Variants in NME7 observed in about 807,000 individuals in gnomAD.
The protein encoded by NME7 is NME/NM23 family member 7, also known as nucleoside diphosphate kinase 7.
A neutral mutation model predicts 49.1 loss-of-function variants in NME7; 41 were observed. The ratio of observed to expected loss-of-function variants is 0.83; its 90% CI spans 0.65 to 1.08. The LOEUF (loss-of-function observed/expected upper bound fraction) is 1.08. NME7 is among the 50% of genes least tolerant of loss of function. The probability of loss-of-function intolerance (pLI) is 0.00; values close to 1 mark genes in which losing one functional copy is unlikely to be tolerated. For missense variants in NME7, 423 were observed against 463.4 expected, an observed-to-expected ratio of 0.91 and a Z score of 0.80; for synonymous variants, 139 against 150.6, an observed-to-expected ratio of 0.92 and a Z score of 0.56.
intron 10 of NME7, among the ~76,000 whole-genome samples, chr1:169,214,830 G>T (rs939134137): frequency 6.6e-6 from 1 of 152,236 alleles, no homozygotes; most frequent in African/African-American, 2.4e-5. Context: ...TCCAAGTGGG[G>T]GTGCCTGCAA....
At chr1:169,216,540 G>A (rs1660978319) in intron 10 of NME7, among the ~76,000 whole-genome samples, 1 of 152,172 alleles carries the variant, frequency 6.6e-6, no homozygotes, top group African/African-American at 2.4e-5. Context: ...TTATAATAAA[G>A]CAGTAAACGT....
chr1:169,237,190 A>G (rs1647890913), intron 8 of NME7, among the ~76,000 whole-genome samples: 1 of 152,100 alleles, frequency 6.6e-6, no homozygotes. Flanking sequence ...TCCAAAAACC[A>G]GCAAAAGGCA....
At chr1:169,299,941 A>G (rs980170919) in intron 5 of NME7, among the ~76,000 whole-genome samples, 30 of 152,124 alleles carry the variant, frequency 2.0e-4, no homozygotes, top group African/African-American at 6.8e-4. Context: ...CCTATAACAT[A>G]TCAGCGTCTG....
At chr1:169,354,826 A>C (rs1224315801) in intron 1 of NME7, among the ~76,000 whole-genome samples, 1 of 136,760 alleles carries the variant, frequency 7.3e-6, no homozygotes, top group Non-Finnish European at 1.5e-5. Flanking sequence ...TAATATATAT[A>C]ATACATAATA....
intron 11 of NME7, among the ~76,000 whole-genome samples, chr1:169,156,329 T>A (rs1278577924): frequency 1.4e-5 from 2 of 145,976 alleles, no homozygotes; most frequent in Non-Finnish European, 3.0e-5. Context: ...AAAAAAAAAA[T>A]TAAAAAGCCA....
At chr1:169,345,471 AT>A (rs1313853870) in intron 1 of NME7, among the ~76,000 whole-genome samples, 1 of 151,786 alleles carries the variant, frequency 6.6e-6, no homozygotes, top group Non-Finnish European at 1.5e-5. Flanking sequence ...GCCTCAAGTG[AT>A]TCTCTAACTT....
At chr1:169,154,837 T>C (rs1198621833) in intron 11 of NME7, among the ~76,000 whole-genome samples, 1 of 151,998 alleles carries the variant, frequency 6.6e-6, no homozygotes, top group Non-Finnish European at 1.5e-5. Context: ...CTTTGTCCAT[T>C]AGTCCTAGTT....
intron 11 of NME7, among the ~76,000 whole-genome samples, chr1:169,133,346 C>CT (rs1321601863): frequency 6.6e-6 from 1 of 152,214 alleles, no homozygotes; most frequent in Admixed American, 6.5e-5. Flanking sequence ...CATTGTATTT[C>CT]TGAAACGGAA....
At chr1:169,169,217 G>GGGGGGGGGGGGA in intron 11 of NME7, 1 of 385,322 alleles carries the variant, frequency 2.6e-6, no homozygotes, top group Non-Finnish European at 4.8e-6. Context: ...GGGTGGGGGG[G>GGGGGGGGGGGGA]ATAGGGGAGG....
intron 11 of NME7, among the ~76,000 whole-genome samples, chr1:169,148,184 G>A (rs1003728447): frequency 5.9e-5 from 9 of 151,944 alleles, no homozygotes; most frequent in Non-Finnish European, 1.0e-4. Flanking sequence ...TGTATTTTTT[G>A]TAGAGCCAAG....
chr1:169,172,274 A>G (rs75429591), intron 10 of NME7, among the ~76,000 whole-genome samples: 1,952 of 151,664 alleles, frequency 0.013, 19 homozygotes, highest in Non-Finnish European at 0.02. Flanking sequence ...GCCTGTAACA[A>G]AACTAAAAAA....
At chr1:169,314,471 C>T (rs991583653) in intron 3 of NME7, among the ~76,000 whole-genome samples, 3 of 151,908 alleles carry the variant, frequency 2.0e-5, no homozygotes, top group Admixed American at 2.0e-4. Flanking sequence ...AAAAAATCCT[C>T]AAGCAATCCG....
intron 7 of NME7, among the ~76,000 whole-genome samples, chr1:169,254,215 C>A (rs931074816): frequency 6.6e-6 from 1 of 150,828 alleles, no homozygotes; most frequent in African/African-American, 2.4e-5. Flanking sequence ...GGTTGGTAAG[C>A]TATTGATTCT....
intron 5 of NME7, among the ~76,000 whole-genome samples, chr1:169,298,995 A>G (rs571279673): frequency 1.6e-4 from 25 of 152,276 alleles, no homozygotes; most frequent in African/African-American, 5.8e-4. Context: ...TACTGTTACC[A>G]GAAAAATCAC....
intron 7 of NME7, among the ~76,000 whole-genome samples, chr1:169,264,210 C>G (rs1649248717): frequency 7.5e-6 from 1 of 133,870 alleles, no homozygotes; most frequent in Non-Finnish European, 1.8e-5. Context: ...TAATTACCAG[C>G]TAAGAACATA....
intron 7 of NME7, among the ~76,000 whole-genome samples, chr1:169,275,834 G>C (rs1164493852): frequency 7.5e-6 from 1 of 132,926 alleles, no homozygotes; most frequent in Admixed American, 7.4e-5. Context: ...GTCATAGATA[G>C]CTCTTATTAT....
chr1:169,303,658 G>A (rs759192203), intron 4 of NME7, among the ~76,000 whole-genome samples: 2 of 151,882 alleles, frequency 1.3e-5, no homozygotes, highest in Non-Finnish European at 1.5e-5. Flanking sequence ...CACCATGCTG[G>A]CCAGGCTGGT....
chr1:169,209,152 A>C (rs879540079), intron 10 of NME7, among the ~76,000 whole-genome samples: 24 of 152,080 alleles, frequency 1.6e-4, no homozygotes, highest in Admixed American at 3.3e-4. Flanking sequence ...CCACACCACT[A>C]CTTTAAGAAC....
At chr1:169,285,464 T>C (rs1650242855) in intron 7 of NME7, 1 of 152,148 alleles carries the variant, frequency 6.6e-6, no homozygotes, top group Non-Finnish European at 1.5e-5. Flanking sequence ...TCACTTCCTA[T>C]GGAATTGTTA....
Sources: gnomAD v4.1 joint callset for allele counts (sites outside exome capture counted in the v4.1 genomes callset) on GRCh38, gnomAD v4.1.1 for gene constraint, MANE v1.5 for transcripts, NCBI Gene and HGNC (gene_info 2026-07-23, HGNC 2026-07-21) for gene names.